The following CHST8 variants were observed in gnomAD, a reference collection of about 807,000 sequenced individuals.
The protein encoded by CHST8 is GALNAC-4-ST1.
Under a neutral mutation model 15.0 loss-of-function variants are expected in CHST8, and 10 were observed. That is an observed-to-expected ratio of 0.67 (90% CI 0.41 to 1.13). The LOEUF is 1.13. Among genes scored for constraint, CHST8 ranks in the 50% most tolerant of loss-of-function variants. The pLI is 0.00. For missense variants in CHST8, 634 were observed against 608.2 expected (o/e 1.04, Z -0.45); for synonymous variants, 259 against 256.6 (o/e 1.01, Z -0.09).
chr19:33,657,085 G>C (rs1201483620), intron 1 of CHST8, among the ~76,000 whole-genome samples: 1 of 149,948 alleles, frequency 6.7e-6, no homozygotes, highest in Non-Finnish European at 1.5e-5. Flanking sequence ...TTTGATGGTG[G>C]ATTTGTTAAT....
At chr19:33,689,512 C>T in intron 3 of CHST8, 121 bp downstream of exon 3, 1 of 1,202,914 alleles carries the variant, frequency 8.3e-7, no homozygotes, top group Non-Finnish European at 1.1e-6. Context: ...TGCCAAGACC[C>T]CCGGCAGGCA....
intron 1 of CHST8, among the ~76,000 whole-genome samples, chr19:33,648,902 CTTT>C (rs376386370): frequency 3.0e-5 from 3 of 99,998 alleles, no homozygotes; most frequent in African/African-American, 1.2e-4. Flanking sequence ...GAATGAAGCA[CTTT>C]TTTTTTTTTT....
chr19:33,708,565 A>T (rs1973488028), intron 3 of CHST8, among the ~76,000 whole-genome samples: 1 of 152,230 alleles, frequency 6.6e-6, no homozygotes, highest in Non-Finnish European at 1.5e-5. Flanking sequence ...CTGGAATCTC[A>T]ATTTATTTCA....
At chr19:33,640,224 G>C (rs1972264559) in intron 1 of CHST8, among the ~76,000 whole-genome samples, 1 of 152,166 alleles carries the variant, frequency 6.6e-6, no homozygotes, top group Non-Finnish European at 1.5e-5. Context: ...CCACGGCCAG[G>C]ATCTAGCACC....
chr19:33,751,287 C>A (rs1974416154), intron 3 of CHST8, among the ~76,000 whole-genome samples: 1 of 152,208 alleles, frequency 6.6e-6, no homozygotes, highest in South Asian at 2.1e-4. Context: ...CAGAGCCACC[C>A]TCCCGCTGTT....
chr19:33,715,116 A>G (rs1292572873), intron 3 of CHST8, among the ~76,000 whole-genome samples: 2 of 152,152 alleles, frequency 1.3e-5, no homozygotes, highest in Non-Finnish European at 2.9e-5. Context: ...GCTTCTCCAG[A>G]CAAGAAAGAA....
intron 3 of CHST8, among the ~76,000 whole-genome samples, chr19:33,719,991 C>T (rs1973752023): frequency 6.6e-6 from 1 of 152,006 alleles, no homozygotes; most frequent in Admixed American, 6.5e-5. Context: ...TCCAGCTTCC[C>T]CTCTGGGAGA....
At chr19:33,683,449 A>T (rs1170533284) in intron 2 of CHST8, among the ~76,000 whole-genome samples, 1 of 152,178 alleles carries the variant, frequency 6.6e-6, no homozygotes, top group African/African-American at 2.4e-5. Flanking sequence ...CGGGTATTTC[A>T]AGCTTTAAGG....
chr19:33,682,188 T>G (rs901724641), intron 2 of CHST8, among the ~76,000 whole-genome samples: 288 of 74,300 alleles, frequency 3.9e-3, no homozygotes, highest in African/African-American at 0.018. Context: ...TTTGTTGTTG[T>G]TTTTTTTTTT....
At chr19:33,771,024 AG>A (rs2145396175) in intron 3 of CHST8, among the ~76,000 whole-genome samples, 1 of 152,234 alleles carries the variant, frequency 6.6e-6, no homozygotes, top group African/African-American at 2.4e-5. Context: ...AGCTTTCTGA[AG>A]GGTCCTTTCC....
At chr19:33,720,351 CCACACATGCAT>C (rs1320367299) in intron 3 of CHST8, among the ~76,000 whole-genome samples, 1 of 151,066 alleles carries the variant, frequency 6.6e-6, no homozygotes, top group African/African-American at 2.4e-5. Flanking sequence ...TACATACACA[CCACACATGCAT>C]CACACATACC....
chr19:33,625,373 G>A (rs1432623861), intron 1 of CHST8, among the ~76,000 whole-genome samples: 1 of 151,272 alleles, frequency 6.6e-6, no homozygotes, highest in Non-Finnish European at 1.5e-5. Flanking sequence ...GAGCTACCGC[G>A]CCCCGCATGG....
chr19:33,720,486 GCACACCACA>G, intron 3 of CHST8, among the ~76,000 whole-genome samples: 1 of 151,764 alleles, frequency 6.6e-6, no homozygotes, highest in Middle Eastern at 3.4e-3. Flanking sequence ...CATACACACT[GCACACCACA>G]CACACCACAT....
chr19:33,759,948 C>T (rs1381545167), intron 3 of CHST8, among the ~76,000 whole-genome samples: 1 of 152,138 alleles, frequency 6.6e-6, no homozygotes, highest in Non-Finnish European at 1.5e-5. Context: ...GCTCCCCGCT[C>T]CCACCCCATC....
At chr19:33,670,523 A>C (rs1311052726) in intron 2 of CHST8, among the ~76,000 whole-genome samples, 1 of 152,246 alleles carries the variant, frequency 6.6e-6, no homozygotes, top group African/African-American at 2.4e-5. Context: ...GTGGTAGCCC[A>C]GGGCCAGCGC....
rs112697640 is a variant in CHST8, at chr19:33,731,225, G to A, written c.131-40188G>A. On this transcript the variant is annotated intron_variant, in intron 3 of 4. Transcript: ENST00000650847. ...GGAATAGAGAATGACTACTCCATAGGCGGAGCAGCAGCTTGGGCTGCTGGA... is the reference window on the plus strand; with the variant it reads ...GGAATAGAGAATGACTACTCCATAGACGGAGCAGCAGCTTGGGCTGCTGGA... 3.8e-3 allele frequency among the ~76,000 whole-genome samples: 585 copies of A among 152,336 alleles called. 5 individuals are homozygous for A. The highest frequency in any genetic ancestry group is 0.012 in the African/African-American group (518 of 41,568).
In CHST8 at chr19:33,728,558, C is replaced by T. The variant is rs1973943149; in HGVS notation, c.130+39167C>T. On this transcript the variant is annotated intron_variant, in intron 3 of 4. Transcript: ENST00000650847. ...GTAACCATGCCCTGCAGGCCTCACA[C>T]AGTCCCAAGAGAGAACCCCGCATGG... Among the ~76,000 whole-genome samples, 3 of 152,252 alleles carry T rather than the reference C, an allele frequency of 2.0e-5. No individual in the cohort carries two copies. The South Asian group carries it at 6.2e-4, about 32-fold the overall frequency.
intron 3 of CHST8, among the ~76,000 whole-genome samples, chr19:33,698,264 G>T (rs537721960): frequency 6.6e-6 from 1 of 151,904 alleles, no homozygotes; most frequent in Admixed American, 6.6e-5. Context: ...AGCTGAGATC[G>T]CGCCAACTAC....
intron 3 of CHST8, among the ~76,000 whole-genome samples, chr19:33,702,614 G>A (rs750399302): frequency 5.9e-5 from 9 of 152,336 alleles, no homozygotes; most frequent in Non-Finnish European, 1.2e-4. Flanking sequence ...AGGCGGTTCC[G>A]ATGCTTGTCC....
Sources: allele counts gnomAD v4.1 joint callset (sites outside exome capture counted in the v4.1 genomes callset), GRCh38; gene constraint gnomAD v4.1.1; transcripts MANE v1.5; gene names NCBI Gene and HGNC (gene_info 2026-07-23, HGNC 2026-07-21).